Variants in MFHAS1 observed in about 807,000 individuals in gnomAD.
MFHAS1 encodes the protein multifunctional ROCO family signaling regulator 1, also known as malignant fibrous histiocytoma-amplified sequence 1.
Under a neutral mutation model 70.4 loss-of-function variants are expected in MFHAS1, and 50 were observed. The observed-to-expected ratio is 0.71, with a 90% CI of 0.57 to 0.90. The LOEUF (loss-of-function observed/expected upper bound fraction) is 0.90. Ranked by LOEUF, MFHAS1 falls within the 40% of genes least tolerant of loss-of-function variation. The pLI is 0.00. For synonymous variants in MFHAS1, 952 were observed against 620.0 expected (o/e 1.54, Z -7.96); for missense variants, 1,795 against 1,347.6 (o/e 1.33, Z -5.20).
At chr8:8,879,341 A>G (rs1809418933) in intron 1 of MFHAS1, among the ~76,000 whole-genome samples, 1 of 151,142 alleles carries the variant, frequency 6.6e-6, no homozygotes, top group Admixed American at 6.6e-5. Flanking sequence ...GCAGAGAGAG[A>G]CTCCCATCTC....
chr8:8,797,644 C>G (rs931389650), intron 1 of MFHAS1, among the ~76,000 whole-genome samples, 153 bp from the exon 2 acceptor site: 1 of 152,180 alleles, frequency 6.6e-6, no homozygotes, highest in East Asian at 1.9e-4. Flanking sequence ...CCAAGAACAG[C>G]AGAACTGCCT....
rs1003503155 is a variant in MFHAS1 at position 8,783,380 on chromosome 8, G to T, written c.*2642C>A. The stretch of plus-strand genomic sequence containing the variant: ...TTAACCATTTCTTTGTATTTTTATT[G>T]ATTTTTCTTTTTTAATTTCTGCCCA... On this transcript the variant is annotated 3_prime_UTR_variant, in exon 3 of 3. Coordinates refer to ENST00000276282, the MANE Select transcript of MFHAS1 (RefSeq NM_004225.3). The T allele has an allele frequency of 6.6e-6, 1 of 152,114 alleles. No individual in the cohort carries two copies. Among genetic ancestry groups the T allele is most frequent in the African/African-American group, 2.4e-5 (1 of 41,420 alleles). 9.4% of individuals were successfully genotyped at this position (152,114 alleles called of 1,614,324 possible). A position where few individuals can be genotyped will look rare whatever the true frequency, so the allele number is the denominator to read the frequency against.
chr8:8,787,233 A>G (rs1352090091), intron 2 of MFHAS1, among the ~76,000 whole-genome samples: 4 of 151,968 alleles, frequency 2.6e-5, no homozygotes, highest in African/African-American at 9.7e-5. Context: ...TGTGCCCGCC[A>G]CCACACGCGG....
intron 1 of MFHAS1, among the ~76,000 whole-genome samples, chr8:8,834,936 C>G (rs899936847): frequency 2.6e-5 from 4 of 152,176 alleles, no homozygotes; most frequent in African/African-American, 9.7e-5. Context: ...TTAATGAGTT[C>G]TCTGGATCTA....
chr8:8,818,136 A>T (rs997010772), intron 1 of MFHAS1, among the ~76,000 whole-genome samples: 3 of 152,142 alleles, frequency 2.0e-5, no homozygotes, highest in Non-Finnish European at 4.4e-5. Context: ...TCCACCTTGA[A>T]ACCTGACCAG....
chr8:8,817,491 T>C (rs573366622), intron 1 of MFHAS1, among the ~76,000 whole-genome samples: 1 of 152,218 alleles, frequency 6.6e-6, no homozygotes, highest in Non-Finnish European at 1.5e-5. Flanking sequence ...CAATTCCACC[T>C]AAGAGGCCAC....
At chr8:8,883,471 G>T (rs1809609241) in intron 1 of MFHAS1, among the ~76,000 whole-genome samples, 1 of 151,798 alleles carries the variant, frequency 6.6e-6, no homozygotes, top group Non-Finnish European at 1.5e-5. Context: ...ACTTTGGGCA[G>T]CCAAGGTGGG....
intron 1 of MFHAS1, among the ~76,000 whole-genome samples, chr8:8,838,184 G>A (rs990613345): frequency 1.3e-5 from 2 of 152,134 alleles, no homozygotes; most frequent in South Asian, 2.1e-4. Flanking sequence ...GGATTTCTAC[G>A]AAGCTCTAGA....
chr8:8,885,056 G>A (rs1163545443), intron 1 of MFHAS1, among the ~76,000 whole-genome samples: 4 of 152,020 alleles, frequency 2.6e-5, no homozygotes, highest in Non-Finnish European at 5.9e-5. Context: ...GTGTGTCTCT[G>A]GCTCAGAAGC....
Position 8,891,674 on chromosome 8 carries a change from C to G in MFHAS1, c.1385G>C (p.Ser462Thr). The change falls in exon 1 of 3, where the codon AGC becomes ACC. Residue 462 changes from serine (S) to threonine (T), a missense_variant. Transcript: ENST00000276282. The surrounding 1 kb of genome is among the most constrained non-coding windows in gnomAD (Gnocchi z 5.4). The stretch of plus-strand genomic sequence containing the variant: ...GCCCCGGGAGGCATCGGCCGTCCAG[C>G]TGGTCACCTCGATGCCCTTGCTCAC... ...PPVSKGIEVT[S>T]WTADASRGLR... 6.2e-7 allele frequency: 1 copy of G among 1,613,598 alleles called. No individual in the cohort carries two copies. The highest frequency in any genetic ancestry group is 1.1e-5 in the South Asian group (1 of 91,088).
intron 1 of MFHAS1, among the ~76,000 whole-genome samples, chr8:8,875,781 C>T (rs374627397): frequency 2.4e-4 from 37 of 152,214 alleles, no homozygotes; most frequent in African/African-American, 8.7e-4. Flanking sequence ...TTACTAGAGA[C>T]GGGGTTTCAC....
intron 1 of MFHAS1, among the ~76,000 whole-genome samples, chr8:8,869,759 T>G (rs1016236603): frequency 2.0e-5 from 3 of 152,174 alleles, no homozygotes; most frequent in Non-Finnish European, 4.4e-5. Flanking sequence ...TACACTTAAA[T>G]CAGTCATGCT....
chr8:8,791,184 A>C (rs1265716462), intron 2 of MFHAS1, among the ~76,000 whole-genome samples: 1 of 150,898 alleles, frequency 6.6e-6, no homozygotes, highest in Non-Finnish European at 1.5e-5. Flanking sequence ...ATCAGAATGA[A>C]CTAACTTCTT....
chr8:8,881,801 G>A (rs899591717), intron 1 of MFHAS1, among the ~76,000 whole-genome samples: 2 of 142,700 alleles, frequency 1.4e-5, no homozygotes, highest in African/African-American at 5.2e-5. Flanking sequence ...TGGTGACAGA[G>A]TAAGACTCCG....
chr8:8,840,557 A>G (rs1279738819), intron 1 of MFHAS1, among the ~76,000 whole-genome samples: 2 of 152,040 alleles, frequency 1.3e-5, no homozygotes, highest in African/African-American at 2.4e-5. Context: ...CCGGTCATTC[A>G]TGGACCCGAC....
At chr8:8,792,230 C>G (rs1415754038) in intron 2 of MFHAS1, among the ~76,000 whole-genome samples, 1 of 79,420 alleles carries the variant, frequency 1.3e-5, no homozygotes, top group Non-Finnish European at 2.7e-5. Flanking sequence ...GAGTGAGACT[C>G]TGTCCCAAAA....
intron 1 of MFHAS1, among the ~76,000 whole-genome samples, chr8:8,830,621 G>A (rs1224196563): frequency 6.6e-6 from 1 of 152,182 alleles, no homozygotes; most frequent in Non-Finnish European, 1.5e-5. Flanking sequence ...ATTTCTTTTT[G>A]AGATGGATTC....
intron 1 of MFHAS1, among the ~76,000 whole-genome samples, chr8:8,852,886 G>GTA (rs1264162405): frequency 6.6e-6 from 1 of 152,172 alleles, no homozygotes; most frequent in East Asian, 1.9e-4. Context: ...TGGGAGAAGG[G>GTA]TATGAGCCCT....
chr8:8,846,339 GAGGAGGGGGAGGAGGGGGAGGAGGAGA>G (rs1808037883), intron 1 of MFHAS1, among the ~76,000 whole-genome samples: 1 of 114,174 alleles, frequency 8.8e-6, no homozygotes, highest in African/African-American at 3.4e-5. Flanking sequence ...GTAGGAGGGG[GAGGAGGGGGAGGAGGGGGAGGAGGAGA>G]AGGAGAAGGA....
Sources: gnomAD v4.1 joint callset for allele counts (sites outside exome capture counted in the v4.1 genomes callset) on GRCh38, gnomAD v4.1.1 for gene constraint, Gnocchi (gnomAD v3.1) non-coding constraint, MANE v1.5 for transcripts, NCBI Gene and HGNC (gene_info 2026-07-23, HGNC 2026-07-21) for gene names.